VAPB: variants seen among roughly 807,000 people sequenced by gnomAD.
The protein encoded by VAPB is VAMP associated protein B and C, also known as vesicle-associated membrane protein-associated protein B/C.
In VAPB, 7 loss-of-function variants were observed where a neutral mutation model predicts 25.6. The ratio of observed to expected loss-of-function variants is 0.27; its 90% CI spans 0.16 to 0.51. The LOEUF is 0.51. VAPB is among the 20% of genes least tolerant of loss of function. The pLI, the probability that VAPB is intolerant of heterozygous loss-of-function variation, is 0.97. For missense variants in VAPB, 266 were observed against 301.3 expected (o/e 0.88, Z 0.87); for synonymous variants, 112 against 109.2 (o/e 1.03, Z -0.16).
intron 1 of VAPB, among the ~76,000 whole-genome samples, chr20:58,408,901 C>A (rs1181543829): frequency 7.4e-6 from 1 of 135,154 alleles, no homozygotes; most frequent in African/African-American, 2.9e-5. Context: ...CCCCCCCCCC[C>A]CACCCCGCCC....
At chr20:58,416,848 GGTA>G (rs1345749995) in intron 1 of VAPB, among the ~76,000 whole-genome samples, 1 of 151,928 alleles carries the variant, frequency 6.6e-6, no homozygotes, top group Non-Finnish European at 1.5e-5. Context: ...TCCACACACA[GGTA>G]GTTTTCTTCT....
rs1161398108 is a variant in VAPB at position 58,446,999 on chromosome 20, G to T, written c.*2764G>T. The T allele has an allele frequency of 2.2e-6, 1 of 454,146 alleles. No individual in the cohort carries two copies. The highest frequency in any genetic ancestry group is 1.6e-5 in the South Asian group (1 of 64,474). 28.1% of individuals were successfully genotyped at this position (454,146 alleles called of 1,614,324 possible). A position where few individuals can be genotyped will look rare whatever the true frequency, so the allele number is the denominator to read the frequency against. On this transcript the variant is annotated 3_prime_UTR_variant, in exon 6 of 6. Transcript: ENST00000475243. ...AGAGGGTTAAGAGTCAGATAATCGG[G>T]ACGAAACTGGCATGGAAAGAGCGAG...
At chr20:58,442,578 C>G (rs914106029) in intron 5 of VAPB, among the ~76,000 whole-genome samples, 2 of 152,186 alleles carry the variant, frequency 1.3e-5, no homozygotes, top group African/African-American at 4.8e-5. Flanking sequence ...TTAGAAGATT[C>G]TTTATCCTGC....
intron 3 of VAPB, 64 bp from the exon 4 acceptor site, chr20:58,438,881 A>G: frequency 7.2e-7 from 1 of 1,383,466 alleles, no homozygotes; most frequent in Non-Finnish European, 1.0e-6. Flanking sequence ...TGTCAGTTAT[A>G]GGAAGAAAGT....
At chr20:58,401,261 T>A (rs1256824676) in intron 1 of VAPB, among the ~76,000 whole-genome samples, 6 of 152,212 alleles carry the variant, frequency 3.9e-5, no homozygotes, top group African/African-American at 1.4e-4. Context: ...CATTAGTCAT[T>A]TTCATTAAAC....
chr20:58,389,878 G>GTTGAC (rs1987747009), intron 1 of VAPB, among the ~76,000 whole-genome samples: 1 of 152,238 alleles, frequency 6.6e-6, no homozygotes, highest in Admixed American at 6.5e-5. Flanking sequence ...CCGTGACAGT[G>GTTGAC]TTGACCTCAG....
At chr20:58,432,075 G>A (rs757911037) in intron 2 of VAPB, among the ~76,000 whole-genome samples, 2 of 152,148 alleles carry the variant, frequency 1.3e-5, no homozygotes. Context: ...GGAAGGACCT[G>A]TTTTCCCTTG....
chr20:58,437,768 C>CA (rs1195053341), intron 3 of VAPB, among the ~76,000 whole-genome samples: 1 of 152,200 alleles, frequency 6.6e-6, no homozygotes, highest in Non-Finnish European at 1.5e-5. Flanking sequence ...TCTTCAGCAT[C>CA]ATTTGAGTGG....
chr20:58,409,143 A>G (rs1202937595), intron 1 of VAPB, among the ~76,000 whole-genome samples: 1 of 152,170 alleles, frequency 6.6e-6, no homozygotes, highest in Non-Finnish European at 1.5e-5. Flanking sequence ...CATCTGTTCT[A>G]TGCCTGCAAG....
At chr20:58,412,590 A>AAAAAAAAAAAAAAAT (rs397761914) in intron 1 of VAPB, among the ~76,000 whole-genome samples, 1 of 150,184 alleles carries the variant, frequency 6.7e-6, no homozygotes, top group Non-Finnish European at 1.5e-5. Context: ...AAAAAAAAAA[A>AAAAAAAAAAAAAAAT]GGTAAAATTA....
chr20:58,405,805 C>T (rs557328382), intron 1 of VAPB, among the ~76,000 whole-genome samples: 19 of 116,180 alleles, frequency 1.6e-4, no homozygotes, highest in African/African-American at 4.7e-4. Context: ...GGCTGGAGTG[C>T]AGTGGTGCGA....
intron 1 of VAPB, among the ~76,000 whole-genome samples, chr20:58,392,931 G>T (rs1389663966): frequency 6.6e-6 from 1 of 152,204 alleles, no homozygotes; most frequent in Non-Finnish European, 1.5e-5. Context: ...CCTGAAAGAA[G>T]CATGACACAG....
chr20:58,399,678 C>G (rs1453809136), intron 1 of VAPB, among the ~76,000 whole-genome samples: 1 of 146,672 alleles, frequency 6.8e-6, no homozygotes, highest in African/African-American at 2.5e-5. Flanking sequence ...GATTGTGCCT[C>G]TGCACTCCAG....
At chr20:58,396,133 T>C (rs536387011) in intron 1 of VAPB, among the ~76,000 whole-genome samples, 1 of 152,192 alleles carries the variant, frequency 6.6e-6, no homozygotes, top group Admixed American at 6.5e-5. Context: ...ATAACATTTT[T>C]TTATTGCATA....
intron 4 of VAPB, chr20:58,439,677 A>G (rs924063839): frequency 1.3e-5 from 2 of 154,256 alleles, no homozygotes; most frequent in Non-Finnish European, 2.9e-5. Context: ...CTGGAGGGCA[A>G]TATCAACCCC....
rs965521368 is a variant in VAPB, at chr20:58,450,802, A to G, written c.*6567A>G. 3 of 453,936 alleles carry G rather than the reference A, an allele frequency of 6.6e-6. No individual in the cohort carries two copies. Among genetic ancestry groups the G allele is most frequent in the Admixed American group, 4.7e-5 (2 of 42,546 alleles). 28.1% of individuals were successfully genotyped at this position (453,936 alleles called of 1,614,324 possible). A position where few individuals can be genotyped will look rare whatever the true frequency, so the allele number is the denominator to read the frequency against. On this transcript the variant is annotated 3_prime_UTR_variant, in exon 6 of 6. Coordinates refer to ENST00000475243, the MANE Select transcript of VAPB (RefSeq NM_004738.5). ...ATAATTTGTCCTTTATGTATTTTTC[A>G]TTGTATTTGCTGTTTTGACATGGAA...
At position 58,445,147 on chromosome 20, in the gene VAPB, G is replaced by A. The variant is rs540614460; in HGVS notation, c.*912G>A. On this transcript the variant is annotated 3_prime_UTR_variant, in exon 6 of 6. Coordinates refer to ENST00000475243, the MANE Select transcript of VAPB (RefSeq NM_004738.5). ...AGCTGCCAGGAAGTGTTTTTTCTGG[G>A]TCAGTAAATAACAACTGTCATAGGG... is the stretch of plus-strand genomic sequence containing the variant. 1.1e-5 allele frequency: 5 copies of A among 454,250 alleles called. No individual in the cohort carries two copies. Among genetic ancestry groups the A allele is most frequent in the South Asian group, 7.8e-5 (5 of 64,470 alleles). The allele number at this position is 454,250 out of a possible 1,614,324, so 28.1% of individuals were successfully genotyped here.
intron 1 of VAPB, among the ~76,000 whole-genome samples, chr20:58,391,382 A>G (rs1600765359): frequency 6.7e-6 from 1 of 149,586 alleles, no homozygotes; most frequent in African/African-American, 2.4e-5. Flanking sequence ...GAGGAGGTCA[A>G]CTCCTGAAAG....
At chr20:58,403,924 T>A (rs2123033038) in intron 1 of VAPB, among the ~76,000 whole-genome samples, 1 of 152,310 alleles carries the variant, frequency 6.6e-6, no homozygotes, top group East Asian at 1.9e-4. Flanking sequence ...TAAACTTGTC[T>A]TTCACTCCCC....
Sources: allele counts gnomAD v4.1 joint callset (sites outside exome capture counted in the v4.1 genomes callset), GRCh38; gene constraint gnomAD v4.1.1; transcripts MANE v1.5; gene names NCBI Gene and HGNC (gene_info 2026-07-23, HGNC 2026-07-21).